The following NCKAP5 variants were observed in gnomAD, a reference collection of about 807,000 sequenced individuals.
NCKAP5 encodes the protein nck-associated protein 5.
Under a neutral mutation model 167.0 loss-of-function variants are expected in NCKAP5, and 92 were observed. That is an observed-to-expected ratio of 0.55 (90% CI 0.47 to 0.66). The LOEUF is 0.66. NCKAP5 is among the 30% of genes least tolerant of loss of function. The pLI, the probability that NCKAP5 is intolerant of heterozygous loss-of-function variation, is 0.00. For missense variants in NCKAP5, 2,378 were observed against 2,315.0 expected (o/e 1.03, Z -0.56); for synonymous variants, 891 against 877.4 (o/e 1.02, Z -0.27).
chr2:132,770,342 T>C (rs1175097195), intron 16 of NCKAP5, among the ~76,000 whole-genome samples: 1 of 148,766 alleles, frequency 6.7e-6, no homozygotes, highest in African/African-American at 2.4e-5. Flanking sequence ...TTATTAATAA[T>C]TAATATGAAT....
At chr2:133,380,142 GCAGA>G (rs1299286516) in intron 3 of NCKAP5, among the ~76,000 whole-genome samples, 4 of 152,040 alleles carry the variant, frequency 2.6e-5, no homozygotes, top group Non-Finnish European at 5.9e-5. Context: ...ATATTTATGT[GCAGA>G]CAGACAGATG....
At chr2:133,366,192 G>A (rs58911300) in intron 3 of NCKAP5, among the ~76,000 whole-genome samples, 3 of 152,114 alleles carry the variant, frequency 2.0e-5, no homozygotes, top group Admixed American at 6.5e-5. Flanking sequence ...ACTATTCTGA[G>A]AGCCTATCTC....
rs765727806 is a variant in NCKAP5, at chr2:132,784,162, G to A, written c.2649C>T (p.Asp883=). The part of the protein sequence containing the change: ...PHSSRMPSRR[D]WVQCPKSQTP... ...TCTGACTCTTGGGGCACTGGACCCA[G>A]TCCCTCCTGCTGGGCATCCTGGAGC... The change falls in exon 14 of 20, where the codon GAC becomes GAT. Residue 883 remains aspartate, a synonymous_variant. Transcript: ENST00000409261. 5 of 1,534,632 alleles carry A rather than the reference G, an allele frequency of 3.3e-6. No individual in the cohort carries two copies. The East Asian group carries it at 1.1e-4, about 35-fold the overall frequency.
intron 5 of NCKAP5, among the ~76,000 whole-genome samples, chr2:133,213,052 G>A (rs894221166): frequency 3.3e-5 from 5 of 152,264 alleles, no homozygotes; most frequent in Admixed American, 2.6e-4. Context: ...TTTCGTTTCA[G>A]AAGTAGCAAC....
chr2:133,133,987 T>C (rs990808435), intron 5 of NCKAP5, among the ~76,000 whole-genome samples: 55 of 152,338 alleles, frequency 3.6e-4, no homozygotes, highest in African/African-American at 1.3e-3. Context: ...TTTGTTCCAA[T>C]GCAACTGATA....
chr2:132,846,462 G>A lies in NCKAP5; in HGVS notation c.807+14030C>T, dbSNP rs556177332. ...TGGGGTCACAGGCATGACCCACCAC[G>A]CCCGGCTAATTTTTGTATTTTTAGT... is the stretch of plus-strand genomic sequence containing the variant. On this transcript the variant is annotated intron_variant, in intron 11 of 19. Coordinates refer to ENST00000409261, the MANE Select transcript of NCKAP5 (RefSeq NM_207363.3). Among the ~76,000 whole-genome samples, 20 of 151,994 alleles carry A rather than the reference G, an allele frequency of 1.3e-4. No individual in the cohort carries two copies. The South Asian group carries it at 4.2e-3, about 32-fold the overall frequency.
At chr2:133,402,794 C>T (rs562124853) in intron 3 of NCKAP5, among the ~76,000 whole-genome samples, 9 of 152,274 alleles carry the variant, frequency 5.9e-5, no homozygotes, top group African/African-American at 2.2e-4. Flanking sequence ...CAGCACCATG[C>T]TTCCTGTACA....
intron 5 of NCKAP5, among the ~76,000 whole-genome samples, chr2:133,170,778 T>C (rs181771375): frequency 1.2e-4 from 19 of 152,336 alleles, no homozygotes; most frequent in Non-Finnish European, 1.5e-4. Context: ...TCATTCCATA[T>C]TGTCCTTGTG....
At chr2:133,569,276 C>T (rs1017040850), upstream of NCKAP5, among the ~76,000 whole-genome samples, 2 of 151,928 alleles carry the variant, frequency 1.3e-5, no homozygotes, top group Non-Finnish European at 2.9e-5. Context: ...CAGTTATCTC[C>T]CCTCCAACCC....
intron 11 of NCKAP5, among the ~76,000 whole-genome samples, chr2:132,850,702 G>T (rs376809565): frequency 6.6e-6 from 1 of 152,010 alleles, no homozygotes; most frequent in African/African-American, 2.4e-5. Context: ...ATGTTAACCT[G>T]CTAGAACTGC....
At chr2:133,232,870 T>C (rs2087216491) in intron 4 of NCKAP5, among the ~76,000 whole-genome samples, 1 of 152,196 alleles carries the variant, frequency 6.6e-6, no homozygotes, top group South Asian at 2.1e-4. Context: ...AACATCTTGA[T>C]AAGAATATAC....
chr2:133,318,313 A>G (rs1181279088), intron 3 of NCKAP5, among the ~76,000 whole-genome samples: 1 of 152,216 alleles, frequency 6.6e-6, no homozygotes, highest in Non-Finnish European at 1.5e-5. Context: ...TCCAATAAAG[A>G]GACTGTCGTT....
chr2:132,910,931 T>C (rs527646894), intron 8 of NCKAP5, among the ~76,000 whole-genome samples: 4 of 152,338 alleles, frequency 2.6e-5, no homozygotes, highest in African/African-American at 4.8e-5. Flanking sequence ...TCAGTACTCA[T>C]AGGCCCAGTT....
intron 6 of NCKAP5, among the ~76,000 whole-genome samples, chr2:133,056,547 T>C (rs543907401): frequency 6.6e-6 from 1 of 152,344 alleles, no homozygotes; most frequent in Non-Finnish European, 1.5e-5. Context: ...AGAGGAGACC[T>C]GTGCCAATTA....
intron 4 of NCKAP5, among the ~76,000 whole-genome samples, chr2:133,236,700 G>A (rs1180814076): frequency 1.3e-5 from 2 of 152,164 alleles, no homozygotes; most frequent in Non-Finnish European, 2.9e-5. Context: ...AACATTGTTA[G>A]ACAATATGCT....
intron 5 of NCKAP5, among the ~76,000 whole-genome samples, chr2:133,143,813 A>ATT (rs34521607): frequency 1.1e-4 from 17 of 148,506 alleles, no homozygotes; most frequent in African/African-American, 1.5e-4. Context: ...TCCCAACCAG[A>ATT]TTTTTTTTTT....
intron 1 of NCKAP5, among the ~76,000 whole-genome samples, chr2:133,567,218 C>T (rs1337792001): frequency 1.3e-5 from 2 of 152,190 alleles, no homozygotes; most frequent in Non-Finnish European, 2.9e-5. Flanking sequence ...TTGCAAGAGG[C>T]TGAACTGCAG....
At chr2:133,054,125 T>C (rs1331097876) in intron 6 of NCKAP5, among the ~76,000 whole-genome samples, 1 of 152,168 alleles carries the variant, frequency 6.6e-6, no homozygotes, top group African/African-American at 2.4e-5. Flanking sequence ...GTATCTAAGC[T>C]TGCAAGAAAA....
intron 3 of NCKAP5, among the ~76,000 whole-genome samples, chr2:133,474,466 A>C (rs1679698455): frequency 6.6e-6 from 1 of 152,218 alleles, no homozygotes; most frequent in Admixed American, 6.5e-5. Context: ...TGCAGGAATA[A>C]GTTCAAGAGA....
Sources: gnomAD v4.1 joint callset for allele counts (sites outside exome capture counted in the v4.1 genomes callset) on GRCh38, gnomAD v4.1.1 for gene constraint, MANE v1.5 for transcripts, NCBI Gene and HGNC (gene_info 2026-07-23, HGNC 2026-07-21) for gene names.